The following VPS13B variants were observed in gnomAD, a reference collection of about 807,000 sequenced individuals.
VPS13B encodes vacuolar protein sorting 13 homolog B.
Under a neutral mutation model 426.4 loss-of-function variants are expected in VPS13B, and 285 were observed. That is an observed-to-expected ratio of 0.67 (90% CI 0.61 to 0.74). VPS13B has a LOEUF of 0.74. Among genes scored for constraint, VPS13B ranks in the 30% least tolerant of loss-of-function variants. The pLI is 0.00. For synonymous variants in VPS13B, 1,676 were observed against 1,676.4 expected, an observed-to-expected ratio of 1.00 and a Z score of 0.01; for missense variants, 4,537 against 4,782.6, an observed-to-expected ratio of 0.95 and a Z score of 1.51.
intron 31 of VPS13B, 148 bp downstream of exon 31, chr8:99,556,801 G>A: frequency 2.2e-6 from 2 of 900,244 alleles, no homozygotes; most frequent in Non-Finnish European, 3.5e-6. Flanking sequence ...TTTTGTAATT[G>A]TAGCTGATGA....
intron 23 of VPS13B, among the ~76,000 whole-genome samples, chr8:99,455,341 A>C (rs1818398264): frequency 6.6e-6 from 1 of 152,130 alleles, no homozygotes; most frequent in Non-Finnish European, 1.5e-5. Context: ...ACAGTTCTGC[A>C]GGCTGTACAG....
chr8:99,754,241 A>G (rs1173206363), intron 39 of VPS13B, among the ~76,000 whole-genome samples: 1 of 152,074 alleles, frequency 6.6e-6, no homozygotes, highest in East Asian at 1.9e-4. Context: ...TTCATCTTTT[A>G]TCTCATTGGT....
At chr8:99,349,038 T>A (rs1811708195) in intron 19 of VPS13B, among the ~76,000 whole-genome samples, 1 of 152,066 alleles carries the variant, frequency 6.6e-6, no homozygotes, top group Non-Finnish European at 1.5e-5. Context: ...ATATTTTTTA[T>A]ATTTGAAAAT....
chr8:99,498,297 A>G (rs1821040444), intron 25 of VPS13B, among the ~76,000 whole-genome samples: 1 of 152,138 alleles, frequency 6.6e-6, no homozygotes. Context: ...TAAACATTTT[A>G]CTATTAAAAC....
chr8:99,616,205 C>T (rs1212726203), intron 33 of VPS13B, among the ~76,000 whole-genome samples: 2 of 152,096 alleles, frequency 1.3e-5, no homozygotes, highest in Non-Finnish European at 2.9e-5. Flanking sequence ...GAGCCTATAT[C>T]TTGAGATGCT....
intron 43 of VPS13B, among the ~76,000 whole-genome samples, chr8:99,790,709 G>A (rs1182522459): frequency 1.3e-5 from 2 of 152,298 alleles, no homozygotes; most frequent in East Asian, 3.9e-4. Flanking sequence ...AGCTGGCAAG[G>A]CTTCCAGACA....
At chr8:99,298,182 A>G (rs1358749433) in intron 19 of VPS13B, among the ~76,000 whole-genome samples, 2 of 152,210 alleles carry the variant, frequency 1.3e-5, no homozygotes, top group South Asian at 2.1e-4. Context: ...TTTCTTGTCT[A>G]TATCATAATT....
chr8:99,079,375 T>C (rs1845318525), intron 3 of VPS13B, among the ~76,000 whole-genome samples: 1 of 152,090 alleles, frequency 6.6e-6, no homozygotes. Flanking sequence ...GGTGGCAGTT[T>C]GGGTGGGCTA....
chr8:99,582,811 A>T (rs1017030288), intron 33 of VPS13B, among the ~76,000 whole-genome samples: 18 of 151,934 alleles, frequency 1.2e-4, no homozygotes, highest in Non-Finnish European at 1.5e-5. Flanking sequence ...GCCCGCCACC[A>T]CGCCCGGCTA....
chr8:99,241,531 C>T (rs1588167257), intron 17 of VPS13B: 2 of 152,068 alleles, frequency 1.3e-5, no homozygotes, highest in Admixed American at 1.3e-4. Flanking sequence ...TTGATTTTAA[C>T]AAGTTGAAAG....
chr8:99,402,208 C>T (rs1208320136), intron 21 of VPS13B, among the ~76,000 whole-genome samples: 2 of 152,166 alleles, frequency 1.3e-5, no homozygotes, highest in Non-Finnish European at 2.9e-5. Flanking sequence ...TATGACTATG[C>T]TCACAGGCAT....
chr8:99,415,060 G>C (rs1025241446), intron 21 of VPS13B, among the ~76,000 whole-genome samples: 2 of 151,778 alleles, frequency 1.3e-5, no homozygotes, highest in African/African-American at 4.8e-5. Context: ...ATGTATGTTT[G>C]GTCTTTTCAC....
intron 2 of VPS13B, among the ~76,000 whole-genome samples, chr8:99,018,624 C>G (rs1159240550): frequency 6.6e-6 from 1 of 152,000 alleles, no homozygotes; most frequent in Non-Finnish European, 1.5e-5. Flanking sequence ...TGGGCTAGGA[C>G]CTTTTATATA....
At chr8:99,108,508 T>G (rs528803205) in intron 5 of VPS13B, among the ~76,000 whole-genome samples, 29 of 152,270 alleles carry the variant, frequency 1.9e-4, no homozygotes, top group African/African-American at 5.5e-4. Context: ...TATCCAGTTT[T>G]CCCAGCACCA....
intron 40 of VPS13B, among the ~76,000 whole-genome samples, chr8:99,774,725 A>T (rs990823609): frequency 6.6e-6 from 1 of 152,156 alleles, no homozygotes; most frequent in Non-Finnish European, 1.5e-5. Context: ...CACATGTACA[A>T]CTAATATATT....
chr8:99,704,593 A>G (rs969768761), intron 36 of VPS13B, among the ~76,000 whole-genome samples: 1 of 152,354 alleles, frequency 6.6e-6, no homozygotes, highest in Middle Eastern at 3.4e-3. Context: ...CCTGAACAAT[A>G]GGAAATGAGT....
intron 2 of VPS13B, among the ~76,000 whole-genome samples, chr8:99,021,194 T>C (rs1309296529): frequency 6.6e-6 from 1 of 152,236 alleles, no homozygotes; most frequent in Non-Finnish European, 1.5e-5. Context: ...AGGACAGAGA[T>C]TGAGTGGCTT....
At chr8:99,364,129 T>A (rs1431839613) in intron 19 of VPS13B, among the ~76,000 whole-genome samples, 1 of 152,182 alleles carries the variant, frequency 6.6e-6, no homozygotes, top group Non-Finnish European at 1.5e-5. Flanking sequence ...TATGTTGAGG[T>A]ATGTTCCTTC....
intron 36 of VPS13B, among the ~76,000 whole-genome samples, chr8:99,700,401 C>A (rs1832218153): frequency 6.6e-6 from 1 of 152,122 alleles, no homozygotes; most frequent in Admixed American, 6.5e-5. Context: ...TTCAACAAGC[C>A]CTATAGGTGA....
Sources: gnomAD v4.1 joint callset for allele counts (sites outside exome capture counted in the v4.1 genomes callset) on GRCh38, gnomAD v4.1.1 for gene constraint, MANE v1.5 for transcripts, NCBI Gene and HGNC (gene_info 2026-07-23, HGNC 2026-07-21) for gene names.